The following GNAS-AS1 variants were observed in gnomAD, a reference collection of about 807,000 sequenced individuals.
GNAS-AS1 encodes the protein GNAS antisense RNA 1 (non-protein coding).
chr20:58,837,563 C>T (rs544718512), intron 4 of GNAS-AS1, among the ~76,000 whole-genome samples: 20 of 152,360 alleles, frequency 1.3e-4, no homozygotes, highest in African/African-American at 4.6e-4. Context: ...GTGGCTCAGC[C>T]ACCCGAGTAG....
intron 2 of GNAS-AS1, among the ~76,000 whole-genome samples, chr20:58,847,816 G>A (rs774443828): frequency 1.2e-4 from 19 of 152,138 alleles, no homozygotes; most frequent in Admixed American, 7.8e-4. Flanking sequence ...CCAGAAAGCT[G>A]ACAGGTAGCT....
At chr20:58,824,194 T>C (rs1224297818) in intron 4 of GNAS-AS1, 6 of 397,350 alleles carry the variant, frequency 1.5e-5, no homozygotes, top group Admixed American at 4.4e-5. Context: ...TGGGATTTGC[T>C]GTGAAGGGCT....
In GNAS-AS1 at chr20:58,840,160, C is replaced by T; in HGVS notation, n.819+1777G>A. The T allele has an allele frequency of 6.2e-7, 1 of 1,611,748 alleles. No individual in the cohort carries two copies. The highest frequency in any genetic ancestry group is 8.5e-7 in the Non-Finnish European group (1 of 1,179,986). Reference sequence around the variant, plus strand: ...GGCGCCGAGCTCGCCATAATTACAACGACCTGTGCCCGCCCATAGGCCGCC... The same window carrying T: ...GGCGCCGAGCTCGCCATAATTACAATGACCTGTGCCCGCCCATAGGCCGCC... On this transcript the variant is annotated intron_variant and non_coding_transcript_variant, in intron 4 of 4. Coordinates refer to ENST00000424094, the Ensembl canonical transcript of GNAS-AS1. The surrounding 1 kb of genome is among the most constrained non-coding windows in gnomAD (Gnocchi z 6.0).
In GNAS-AS1 at chr20:58,841,354, G is replaced by A. The variant is rs1186277449; in HGVS notation, n.819+583C>T. 3.8e-6 allele frequency: 4 copies of A among 1,045,396 alleles called. No homozygotes were observed. The African/African-American group carries it at 6.8e-5, about 18-fold the overall frequency. The allele number at this position is 1,045,396 out of a possible 1,614,324, so 64.8% of individuals were successfully genotyped here. On this transcript the variant is annotated intron_variant and non_coding_transcript_variant, in intron 4 of 4. Transcript: ENST00000424094. This position sits in a 1 kb window ranked among gnomAD's most constrained non-coding sequence, Gnocchi z 5.0. ...TTCACGATGTGAGAGCAGCCGCGCT[G>A]TAGAGACACCGTTGAAATGTGCGGA...
chr20:58,835,905 G>A (rs929969786), intron 4 of GNAS-AS1, among the ~76,000 whole-genome samples: 1 of 150,958 alleles, frequency 6.6e-6, no homozygotes, highest in Admixed American at 6.6e-5. Flanking sequence ...GATGAGTTGT[G>A]GAGCAAAGAG....
intron 4 of GNAS-AS1, among the ~76,000 whole-genome samples, chr20:58,832,214 T>C (rs371986193): frequency 2.6e-4 from 39 of 152,302 alleles, no homozygotes; most frequent in African/African-American, 9.4e-4. Flanking sequence ...CAAAAGCATC[T>C]AATACTTGGG....
Position 58,819,335 on chromosome 20 carries a change from A to G in GNAS-AS1, n.820-80T>C. The G allele has an allele frequency of 7.5e-6, 3 of 397,918 alleles. No individual in the cohort carries two copies. In the East Asian group the frequency reaches 1.1e-4, roughly 14 times the overall value. The allele number at this position is 397,918 out of a possible 1,614,324, so 24.6% of individuals were successfully genotyped here. On this transcript the variant is annotated intron_variant and non_coding_transcript_variant, in intron 4 of 4. Coordinates refer to ENST00000424094, the Ensembl canonical transcript of GNAS-AS1. ...TAACAACAGAAATGAAACCAGGCGC[A>G]CACACACTCACCTGCGGCATGATCG...
intron 4 of GNAS-AS1, among the ~76,000 whole-genome samples, chr20:58,828,963 G>A (rs1374288247): frequency 5.5e-5 from 5 of 90,276 alleles, no homozygotes; most frequent in African/African-American, 1.8e-4. Flanking sequence ...TGGCCCCACC[G>A]CCCCACTCAA....
intron 2 of GNAS-AS1, among the ~76,000 whole-genome samples, chr20:58,847,196 CT>C (rs1451282990): frequency 2.6e-5 from 4 of 151,952 alleles, no homozygotes; most frequent in Admixed American, 6.6e-5. Flanking sequence ...ACGATGGGGG[CT>C]TTTTAATCTG....
At position 58,841,156 on chromosome 20, in the gene GNAS-AS1, G is replaced by GCCCCGGCTACGCGACTGAAT. The variant is rs1457497925; in HGVS notation, n.819+761_819+780dup. 3.9e-5 allele frequency among the ~76,000 whole-genome samples: 6 copies of GCCCCGGCTACGCGACTGAAT among 152,150 alleles called. No homozygotes were observed. The highest frequency in any genetic ancestry group is 7.3e-5 in the Non-Finnish European group (5 of 68,034). On this transcript the variant is annotated intron_variant and non_coding_transcript_variant, in intron 4 of 4. Transcript: ENST00000424094. The surrounding 1 kb of genome is among the most constrained non-coding windows in gnomAD (Gnocchi z 5.0). ...GACAACCTGAGGTCTCCGAGCTGGT[G>GCCCCGGCTACGCGACTGAAT]CCCCGGCTACGCGACTGAATCCCGA...
intron 4 of GNAS-AS1, chr20:58,839,296 C>G (rs571375851): frequency 1.0e-5 from 4 of 398,476 alleles, no homozygotes; most frequent in African/African-American, 8.2e-5. Flanking sequence ...AATGGCTGCC[C>G]GAAGTTACCA....
chr20:58,836,294 C>T (rs2085602623), intron 4 of GNAS-AS1: 1 of 152,198 alleles, frequency 6.6e-6, no homozygotes, highest in South Asian at 2.1e-4. Flanking sequence ...CAGCCCACTC[C>T]ATGTCAGATT....
chr20:58,840,517 C>G lies in GNAS-AS1; in HGVS notation n.819+1420G>C, dbSNP rs1209403555. ...CTGAGACCGCCCCCACCACTGAGCCCGAGACCGAGCCTGAAGACGATCGCG... is the reference window on the plus strand; with the variant it reads ...CTGAGACCGCCCCCACCACTGAGCCGGAGACCGAGCCTGAAGACGATCGCG... On this transcript the variant is annotated intron_variant and non_coding_transcript_variant, in intron 4 of 4. Transcript: ENST00000424094. The surrounding 1 kb of genome is among the most constrained non-coding windows in gnomAD (Gnocchi z 6.0). 2.5e-6 allele frequency: 4 copies of G among 1,613,520 alleles called. No individual in the cohort carries two copies. Among genetic ancestry groups the G allele is most frequent in the Non-Finnish European group, 3.4e-6 (4 of 1,180,020 alleles).
chr20:58,824,623 A>G (rs1486692066), intron 4 of GNAS-AS1, among the ~76,000 whole-genome samples: 1 of 152,190 alleles, frequency 6.6e-6, no homozygotes, highest in East Asian at 1.9e-4. Flanking sequence ...CTGTGACCCT[A>G]TGCAGCCCAA....
chr20:58,848,530 A>G (rs1009261797), intron 2 of GNAS-AS1, among the ~76,000 whole-genome samples: 1 of 152,206 alleles, frequency 6.6e-6, no homozygotes, highest in African/African-American at 2.4e-5. Flanking sequence ...CTATTATACA[A>G]TTATAATGGC....
intron 1 of GNAS-AS1, among the ~76,000 whole-genome samples, chr20:58,849,835 T>C (rs1466494378): frequency 1.3e-5 from 2 of 152,232 alleles, no homozygotes; most frequent in Non-Finnish European, 1.5e-5. Flanking sequence ...TCCTTTGTTC[T>C]CGATCAGGAT....
In GNAS-AS1 at chr20:58,842,087, A is replaced by T. The variant is rs1600662710; in HGVS notation, n.669T>A. 11 of 405,634 alleles carry T rather than the reference A, an allele frequency of 2.7e-5. No individual in the cohort carries two copies. The East Asian group carries it at 3.9e-4, about 14-fold the overall frequency. 25.1% of individuals were successfully genotyped at this position (405,634 alleles called of 1,614,324 possible). On this transcript the variant is annotated non_coding_transcript_exon_variant, in exon 4 of 5. Transcript: ENST00000424094. ...GGAGGCGAGGCGGCGTGCTCCGGCC[A>T]TTTTCAGCACGGGTAGAGTTAAGTT...
intron 2 of GNAS-AS1, among the ~76,000 whole-genome samples, chr20:58,845,787 G>A (rs2085920232): frequency 6.6e-6 from 1 of 152,172 alleles, no homozygotes; most frequent in South Asian, 2.1e-4. Flanking sequence ...ACAGCCTAGT[G>A]ACTTAGTTCT....
At chr20:58,826,415 C>G (rs116916593) in intron 4 of GNAS-AS1, among the ~76,000 whole-genome samples, 2,190 of 152,162 alleles carry the variant, frequency 0.014, 29 homozygotes, top group Non-Finnish European at 0.023. Flanking sequence ...TTATGGTAAC[C>G]CTAGTTATAC....
Sources: allele counts gnomAD v4.1 joint callset (sites outside exome capture counted in the v4.1 genomes callset), GRCh38; gene constraint gnomAD v4.1.1; non-coding constraint Gnocchi (gnomAD v3.1); transcripts MANE v1.5; gene names NCBI Gene and HGNC (gene_info 2026-07-23, HGNC 2026-07-21).